Variants in ABCG2 observed in about 807,000 individuals in gnomAD.
The protein encoded by ABCG2 is ATP binding cassette subfamily G member 2 (JR blood group).
In ABCG2, 80 loss-of-function variants were observed where a neutral mutation model predicts 73.5. The observed-to-expected ratio is 1.09, with a 90% CI of 0.91 to 1.31. The LOEUF (loss-of-function observed/expected upper bound fraction) is 1.31, where lower values mean the gene tolerates loss of function less well. Among genes scored for constraint, ABCG2 ranks in the 50% most tolerant of loss-of-function variants. The pLI is 0.00. For synonymous variants in ABCG2, 269 were observed against 282.4 expected (o/e 0.95, Z 0.48); for missense variants, 796 against 786.2 (o/e 1.01, Z -0.15).
intron 1 of ABCG2, among the ~76,000 whole-genome samples, chr4:88,174,689 G>A (rs1251351800): frequency 6.6e-6 from 1 of 152,158 alleles, no homozygotes; most frequent in Non-Finnish European, 1.5e-5. Context: ...ACCATGCCCA[G>A]CTGATGATAG....
At chr4:88,179,404 C>A (rs1037458612) in intron 1 of ABCG2, among the ~76,000 whole-genome samples, 1 of 152,150 alleles carries the variant, frequency 6.6e-6, no homozygotes, top group Admixed American at 6.5e-5. Flanking sequence ...TTACAACACC[C>A]AACTCCCACC....
chr4:88,167,555 G>C (rs1187679925), intron 1 of ABCG2, among the ~76,000 whole-genome samples: 1 of 151,884 alleles, frequency 6.6e-6, no homozygotes, highest in Admixed American at 6.6e-5. Context: ...GTTATTTTTA[G>C]TAGAGACGGG....
chr4:88,112,902 G>C (rs1723236437), intron 9 of ABCG2, among the ~76,000 whole-genome samples: 1 of 152,244 alleles, frequency 6.6e-6, no homozygotes, highest in East Asian at 1.9e-4. Flanking sequence ...TTGAACCCAC[G>C]AGTTCAAGAC....
At chr4:88,138,608 GTATT>G (rs1291243117) in intron 2 of ABCG2, among the ~76,000 whole-genome samples, 1 of 152,150 alleles carries the variant, frequency 6.6e-6, no homozygotes, top group Non-Finnish European at 1.5e-5. Context: ...TCCAGAAACT[GTATT>G]TAGAGTTGGA....
chr4:88,214,171 A>G (rs1729714424), intron 1 of ABCG2, among the ~76,000 whole-genome samples: 1 of 151,320 alleles, frequency 6.6e-6, no homozygotes, highest in South Asian at 2.1e-4. Context: ...TATTTTTTGT[A>G]GAGACAAGGT....
intron 1 of ABCG2, among the ~76,000 whole-genome samples, chr4:88,200,596 T>C (rs963613747): frequency 1.3e-5 from 2 of 152,182 alleles, no homozygotes; most frequent in Non-Finnish European, 1.5e-5. Context: ...CACTGCAAGG[T>C]CTGCCTTCTG....
chr4:88,181,286 G>A (rs1234561878), intron 1 of ABCG2, among the ~76,000 whole-genome samples: 1 of 151,416 alleles, frequency 6.6e-6, no homozygotes, highest in East Asian at 1.9e-4. Context: ...TGTAATCCTA[G>A]CTACTTGGGA....
At chr4:88,134,366 G>A (rs1464314595) in intron 2 of ABCG2, among the ~76,000 whole-genome samples, 3 of 152,162 alleles carry the variant, frequency 2.0e-5, no homozygotes, top group African/African-American at 7.2e-5. Context: ...CTCATTAACT[G>A]GGGTATCTCT....
chr4:88,197,450 T>C (rs1728980943), intron 1 of ABCG2, among the ~76,000 whole-genome samples: 1 of 150,830 alleles, frequency 6.6e-6, no homozygotes, highest in African/African-American at 2.4e-5. Flanking sequence ...ACCCTGTCTC[T>C]ACAAAAAATA....
intron 1 of ABCG2, among the ~76,000 whole-genome samples, chr4:88,151,117 G>T (rs910442073): frequency 3.9e-5 from 6 of 152,174 alleles, no homozygotes; most frequent in African/African-American, 1.4e-4. Context: ...GTAGTGACTG[G>T]GGCTAGAAGA....
intron 2 of ABCG2, among the ~76,000 whole-genome samples, chr4:88,135,801 T>C (rs1033977624): frequency 2.0e-5 from 3 of 152,194 alleles, no homozygotes; most frequent in African/African-American, 7.2e-5. Flanking sequence ...GGAAAAATGT[T>C]TTCACCTTTT....
intron 1 of ABCG2, among the ~76,000 whole-genome samples, chr4:88,202,479 T>A (rs1578275157): frequency 6.7e-6 from 1 of 149,506 alleles, no homozygotes; most frequent in Admixed American, 6.7e-5. Flanking sequence ...CTTTGAAAGG[T>A]GAGAAAAATG....
chr4:88,097,605 A>C lies in ABCG2; in HGVS notation c.1495T>G (p.Leu499Val), dbSNP rs1386446255. 1 of 1,613,686 alleles carries C rather than the reference A, an allele frequency of 6.2e-7. No homozygotes were observed. The highest frequency in any genetic ancestry group is 8.5e-7 in the Non-Finnish European group (1 of 1,179,850). The change falls in exon 13 of 16, where the codon TTG (leucine) becomes GTG (valine). Residue 499 changes from leucine (L) to valine (V), a missense_variant and splice_region_variant. Transcript: ENST00000237612. The stretch of plus-strand genomic sequence containing the variant: ...AAGAAGGCATCTGCCTTTGGCTTCA[A>C]TCCTTAGTCAGAAAGAGAAGAAGTA... Reference protein sequence around the residue: ...FTCIVYFMLGLKPKADAFFVM... With the variant: ...FTCIVYFMLGVKPKADAFFVM...
chr4:88,104,507 G>A (rs762769918), intron 10 of ABCG2, among the ~76,000 whole-genome samples: 11 of 152,072 alleles, frequency 7.2e-5, no homozygotes, highest in Non-Finnish European at 1.2e-4. Context: ...TGGGGTCAAC[G>A]AGAAGCAGTG....
intron 2 of ABCG2, among the ~76,000 whole-genome samples, chr4:88,137,301 G>A (rs1353357335): frequency 6.6e-6 from 1 of 152,140 alleles, no homozygotes; most frequent in Non-Finnish European, 1.5e-5. Context: ...TGATAGTGGT[G>A]GCTGACTCAG....
At chr4:88,217,539 ATAGTCC>A (rs1295245197) in intron 1 of ABCG2, among the ~76,000 whole-genome samples, 1 of 151,926 alleles carries the variant, frequency 6.6e-6, no homozygotes, top group East Asian at 1.9e-4. Context: ...GTGTGTGCCT[ATAGTCC>A]CAGCTACTCA....
chr4:88,209,445 C>T (rs1367150892), intron 1 of ABCG2, among the ~76,000 whole-genome samples: 1 of 151,848 alleles, frequency 6.6e-6, no homozygotes, highest in Non-Finnish European at 1.5e-5. Flanking sequence ...AGATGGATCA[C>T]CTGAGGTCAG....
At chr4:88,230,455 G>A (rs934598860) in intron 1 of ABCG2, among the ~76,000 whole-genome samples, 2 of 151,708 alleles carry the variant, frequency 1.3e-5, no homozygotes, top group East Asian at 3.9e-4. Flanking sequence ...GATATAGGCA[G>A]TTAATACAAA....
chr4:88,113,757 T>G (rs1339619783), intron 8 of ABCG2, among the ~76,000 whole-genome samples: 1 of 151,600 alleles, frequency 6.6e-6, no homozygotes, highest in Non-Finnish European at 1.5e-5. Flanking sequence ...GGTCAGGAGT[T>G]CGAGACCAGC....
Sources: gnomAD v4.1 joint callset for allele counts (sites outside exome capture counted in the v4.1 genomes callset) on GRCh38, gnomAD v4.1.1 for gene constraint, MANE v1.5 for transcripts, NCBI Gene and HGNC (gene_info 2026-07-23, HGNC 2026-07-21) for gene names.